CDHR2: variants seen among roughly 807,000 people sequenced by gnomAD.
CDHR2 encodes cadherin related family member 2.
Under a neutral mutation model 138.6 loss-of-function variants are expected in CDHR2, and 104 were observed. That is an observed-to-expected ratio of 0.75 (90% CI 0.64 to 0.88). The LOEUF is 0.88. CDHR2 is among the 40% of genes least tolerant of loss of function. CDHR2 has a pLI of 0.00. For synonymous variants in CDHR2, 755 were observed against 742.8 expected, an observed-to-expected ratio of 1.02 and a Z score of -0.27; for missense variants, 1,624 against 1,727.6, an observed-to-expected ratio of 0.94 and a Z score of 1.06.
In CDHR2 at chr5:176,550,375, C is replaced by T. The variant is rs574013801; in HGVS notation, c.-16+961C>T. ...CTGGGCCATAGGCACTGGGAGGGCCCGTGGCGGGGAGCTGCGTGCTCAGGT... is the reference window on the plus strand; with the variant it reads ...CTGGGCCATAGGCACTGGGAGGGCCTGTGGCGGGGAGCTGCGTGCTCAGGT... On this transcript the variant is annotated intron_variant, in intron 1 of 31. Coordinates refer to ENST00000261944, the MANE Select transcript of CDHR2 (RefSeq NM_017675.6). 3.7e-4 allele frequency among the ~76,000 whole-genome samples: 56 copies of T among 152,216 alleles called. No homozygotes were observed. In the South Asian group the frequency reaches 0.01, roughly 28 times the overall value.
chr5:176,565,524 T>C, intron 2 of CDHR2, 120 bp downstream of exon 2: 2 of 1,264,032 alleles, frequency 1.6e-6, no homozygotes, highest in Non-Finnish European at 2.3e-6. Flanking sequence ...GCCCTGTGCT[T>C]GGCTAAGCTG....
At position 176,586,259 on chromosome 5, in the gene CDHR2, G is replaced by A. The variant is rs111820236; in HGVS notation, c.2806+234G>A. Among the ~76,000 whole-genome samples the A allele has an allele frequency of 7.4e-3, 1,133 of 152,248 alleles. 15 individuals are homozygous for A. Among genetic ancestry groups the A allele is most frequent in the African/African-American group, 0.026 (1,065 of 41,520 alleles). On this transcript the variant is annotated intron_variant, in intron 20 of 31. Transcript: ENST00000261944. ...CGCCCAGGCTGGAGCGCAATGGTAC[G>A]ATCTCAGCTCACTGCAACCTCCGCC...
At chr5:176,594,301 C>T (rs76264217) in intron 31 of CDHR2, among the ~76,000 whole-genome samples, 2 of 152,286 alleles carry the variant, frequency 1.3e-5, no homozygotes, top group African/African-American at 2.4e-5. Flanking sequence ...GGCAGGTCCA[C>T]GAGGCATGGG....
chr5:176,591,940 GTGATGA>G (rs1470450993), intron 30 of CDHR2, among the ~76,000 whole-genome samples: 1 of 133,258 alleles, frequency 7.5e-6, no homozygotes, highest in African/African-American at 3.1e-5. Context: ...GGTGATGGTG[GTGATGA>G]TGGTGATGAT....
At chr5:176,588,622 T>G (rs960097115) in intron 21 of CDHR2, among the ~76,000 whole-genome samples, 4 of 113,914 alleles carry the variant, frequency 3.5e-5, no homozygotes, top group East Asian at 4.3e-4. Flanking sequence ...TGTGTAAGTG[T>G]GTGTTAGGGT....
chr5:176,585,120 A>C (rs1276862734), intron 19 of CDHR2, 105 bp downstream of exon 19: 5 of 1,315,894 alleles, frequency 3.8e-6, no homozygotes, highest in African/African-American at 3.0e-5. Context: ...TCTTGGCTCC[A>C]GCCCTTTCCA....
intron 30 of CDHR2, 192 bp downstream of exon 30, chr5:176,591,676 G>A (rs1327442426): frequency 3.3e-6 from 2 of 607,744 alleles, no homozygotes; most frequent in Non-Finnish European, 6.0e-6. Context: ...TGACAGTGGT[G>A]ATGATGACAA....
Position 176,589,170 on chromosome 5 carries a change from C to G in CDHR2, c.2996C>G (p.Ala999Gly), listed in dbSNP as rs375103110. 2.0e-5 allele frequency: 32 copies of G among 1,614,122 alleles called. No homozygotes were observed. Among genetic ancestry groups the G allele is most frequent in the Non-Finnish European group, 2.6e-5 (31 of 1,179,976 alleles). ...IFTSSEADVF[A>G]GSIQPVTSLD... ...ACCTCCTCCGAGGCCGACGTGTTCG[C>G]TGGGAGCATTCAGTAACTGCGGGCG... Residue 999 changes from alanine to glycine, a missense_variant, in exon 22 of 32, where the codon GCT (alanine) becomes GGT (glycine). Physicochemically the swap from Ala to Gly is moderately conservative, Grantham distance 60 (BLOSUM62 0). Transcript: ENST00000261944.
At chr5:176,562,315 G>A (rs1339358184) in intron 1 of CDHR2, among the ~76,000 whole-genome samples, 1 of 151,742 alleles carries the variant, frequency 6.6e-6, no homozygotes, top group African/African-American at 2.4e-5. Context: ...GCCAGTATGG[G>A]ATGGAGAGAT....
intron 30 of CDHR2, 86 bp from the exon 31 acceptor site, chr5:176,592,634 GTGA>G: frequency 1.0e-6 from 1 of 989,434 alleles, no homozygotes; most frequent in Non-Finnish European, 1.6e-6. Context: ...CGTGGTGATG[GTGA>G]TGGTGGTGAT....
chr5:176,584,555 C>A lies in CDHR2; in HGVS notation c.2274C>A (p.Leu758=). The A allele has an allele frequency of 6.2e-7, 1 of 1,611,994 alleles. No homozygotes were observed. The highest frequency in any genetic ancestry group is 1.1e-5 in the South Asian group (1 of 90,794). ...VLGAGWAEGY[L]RLPPDVSLDY... ...GGGCTGGGTGGGCTGAGGGCTACCT[C>A]CGGCTGCCCCCGGACGTGAGCCTGG... The change falls in exon 19 of 32, where the codon CTC becomes CTA. Residue 758 remains leucine (L), a synonymous_variant. Coordinates refer to ENST00000261944, the MANE Select transcript of CDHR2 (RefSeq NM_017675.6).
upstream of CDHR2, among the ~76,000 whole-genome samples, chr5:176,547,252 C>CCA (rs1376321894): frequency 1.3e-5 from 2 of 152,174 alleles, no homozygotes; most frequent in African/African-American, 4.8e-5. Flanking sequence ...GCTGGGATTA[C>CCA]AGGCGCGAGC....
At chr5:176,592,203 ATGGTGATGG>A (rs1218213751) in intron 30 of CDHR2, among the ~76,000 whole-genome samples, 5 of 129,224 alleles carry the variant, frequency 3.9e-5, no homozygotes, top group African/African-American at 1.5e-4. Flanking sequence ...GATGGTGCTG[ATGGTGATGG>A]TGGTGATGAT....
At chr5:176,588,115 C>G (rs73345186) in intron 21 of CDHR2, among the ~76,000 whole-genome samples, 153 of 152,306 alleles carry the variant, frequency 1.0e-3, no homozygotes, top group African/African-American at 3.6e-3. Flanking sequence ...TCATGGTCTA[C>G]TAGGGGAATT....
At chr5:176,579,789 C>T (rs1024644281) in intron 16 of CDHR2, among the ~76,000 whole-genome samples, 53 of 152,128 alleles carry the variant, frequency 3.5e-4, no homozygotes, top group Admixed American at 3.4e-3. Flanking sequence ...TTCAAGGCCA[C>T]GTTTGCTGAG....
chr5:176,548,711 C>T (rs1365412700), upstream of CDHR2, among the ~76,000 whole-genome samples: 1 of 152,006 alleles, frequency 6.6e-6, no homozygotes, highest in Non-Finnish European at 1.5e-5. Flanking sequence ...CCACTTCACT[C>T]CAGCCTGGGT....
At chr5:176,562,447 GGGTGGGCAGTGTGAGGGAGAGTTCT>G (rs1757987312) in intron 1 of CDHR2, among the ~76,000 whole-genome samples, 1 of 152,038 alleles carries the variant, frequency 6.6e-6, no homozygotes, top group African/African-American at 2.4e-5. Context: ...TCGGGAGGAG[GGGTGGGCAGTGTGAGGGAGAGTTCT>G]GGTTTTTGAT....
chr5:176,573,066 T>G (rs967776623), intron 6 of CDHR2, among the ~76,000 whole-genome samples: 2 of 152,058 alleles, frequency 1.3e-5, no homozygotes, highest in African/African-American at 4.8e-5. Context: ...CAGAGAGACC[T>G]GAATGGCAAG....
In CDHR2 at chr5:176,575,598, CCCAGG is replaced by C; in HGVS notation, c.844+23_844+27del. ...GCATCTCCTGTGAGAACGGGGTGTC[CCCAGG>C]CCAGGGCTGGGCCGGGGCCAGGGTG... is the stretch of plus-strand genomic sequence containing the variant. On this transcript the variant is annotated intron_variant, in intron 10 of 31. Transcript: ENST00000261944. 1 of 1,613,408 alleles carries C rather than the reference CCCAGG, an allele frequency of 6.2e-7. No individual in the cohort carries two copies. The highest frequency in any genetic ancestry group is 8.5e-7 in the Non-Finnish European group (1 of 1,179,376).
Sources: gnomAD v4.1 joint callset for allele counts (sites outside exome capture counted in the v4.1 genomes callset) on GRCh38, gnomAD v4.1.1 for gene constraint, MANE v1.5 for transcripts, NCBI Gene and HGNC (gene_info 2026-07-23, HGNC 2026-07-21) for gene names.